Variants in NCK1 observed in about 807,000 individuals in gnomAD.
NCK1 encodes NCK adaptor protein 1.
NCK1 carries 19 observed loss-of-function variants against 36.6 expected under a neutral mutation model. That is an observed-to-expected ratio of 0.52 (90% CI 0.36 to 0.76). The LOEUF (loss-of-function observed/expected upper bound fraction) is 0.76, where lower values mean the gene tolerates loss of function less well. NCK1 is among the 30% of genes least tolerant of loss of function. The pLI, the probability that NCK1 is intolerant of heterozygous loss-of-function variation, is 0.00. For missense variants in NCK1, 358 were observed against 445.6 expected (o/e 0.80, Z 1.77); for synonymous variants, 165 against 156.0 (o/e 1.06, Z -0.43).
At chr3:136,913,955 C>T (rs1939894633) in intron 1 of NCK1, among the ~76,000 whole-genome samples, 1 of 152,214 alleles carries the variant, frequency 6.6e-6, no homozygotes, top group African/African-American at 2.4e-5. Flanking sequence ...CCACCACGCC[C>T]AGCCGCACAG....
rs1339896485 is a variant in NCK1 at position 136,950,789 on chromosome 3, T to C, written c.*2336T>C. Among the ~76,000 whole-genome samples the C allele has an allele frequency of 6.6e-6, 1 of 152,148 alleles. No homozygotes were observed. Among genetic ancestry groups the C allele is most frequent in the Non-Finnish European group, 1.5e-5 (1 of 67,994 alleles). On this transcript the variant is annotated 3_prime_UTR_variant, in exon 4 of 4. Transcript: ENST00000481752. The stretch of plus-strand genomic sequence containing the variant: ...AATATTACAGAAGTTTTCTTCCACA[T>C]GAGGAGAATGCTTAGTTTCAAATTT...
At chr3:136,938,016 T>G (rs73231973) in intron 2 of NCK1, among the ~76,000 whole-genome samples, 414 of 152,308 alleles carry the variant, frequency 2.7e-3, no homozygotes, top group Non-Finnish European at 4.3e-3. Flanking sequence ...CTTTCACCAT[T>G]GAGTGTGATG....
chr3:136,918,573 A>G (rs1940023873), intron 1 of NCK1, among the ~76,000 whole-genome samples: 1 of 152,182 alleles, frequency 6.6e-6, no homozygotes, highest in African/African-American at 2.4e-5. Context: ...CCCTTAGATT[A>G]ACCTTATCCA....
chr3:136,903,466 CCAGA>C (rs1258325738), intron 1 of NCK1, among the ~76,000 whole-genome samples: 1 of 152,052 alleles, frequency 6.6e-6, no homozygotes, highest in Non-Finnish European at 1.5e-5. Flanking sequence ...CTCTTGTTGC[CCAGA>C]CTGGAGTACA....
At chr3:136,868,708 C>T (rs374819381) in intron 1 of NCK1, among the ~76,000 whole-genome samples, 18 of 152,242 alleles carry the variant, frequency 1.2e-4, no homozygotes, top group Non-Finnish European at 1.8e-4. Context: ...TTTGTCTTTT[C>T]GAATCTCTTG....
intron 1 of NCK1, among the ~76,000 whole-genome samples, chr3:136,908,856 G>A (rs975999382): frequency 3.3e-5 from 5 of 152,210 alleles, no homozygotes; most frequent in East Asian, 1.9e-4. Flanking sequence ...GTATAGTGCT[G>A]TGGTTTGAAT....
At chr3:136,944,387 G>C (rs550851110) in intron 2 of NCK1, among the ~76,000 whole-genome samples, 1 of 151,976 alleles carries the variant, frequency 6.6e-6, no homozygotes, top group African/African-American at 2.4e-5. Context: ...CAGAATGCTG[G>C]GATTACTGGC....
At position 136,950,311 on chromosome 3, in the gene NCK1, A is replaced by G. The variant is rs977744901; in HGVS notation, c.*1858A>G. On this transcript the variant is annotated 3_prime_UTR_variant, in exon 4 of 4. Coordinates refer to ENST00000481752, the MANE Select transcript of NCK1 (RefSeq NM_001291999.2). ...TTAATGCTTTGCATCACAGACATAA[A>G]CTATTCATAGTAAACTGCACTGAGC... Among the ~76,000 whole-genome samples the G allele has an allele frequency of 2.0e-5, 3 of 152,148 alleles. No individual in the cohort carries two copies. Among genetic ancestry groups the G allele is most frequent in the Non-Finnish European group, 2.9e-5 (2 of 67,974 alleles).
intron 1 of NCK1, among the ~76,000 whole-genome samples, chr3:136,925,259 T>C (rs1576981132): frequency 6.6e-6 from 1 of 152,328 alleles, no homozygotes; most frequent in East Asian, 1.9e-4. Flanking sequence ...TTTCATTTCT[T>C]TAATTATAAA....
chr3:136,950,929 T>C lies in NCK1; in HGVS notation c.*2476T>C, dbSNP rs1000475456. Among the ~76,000 whole-genome samples, 1 of 152,180 alleles carries C rather than the reference T, an allele frequency of 6.6e-6. No homozygotes were observed. The highest frequency in any genetic ancestry group is 2.4e-5 in the African/African-American group (1 of 41,440). ...GCTTTGTGACAAAAACAAATGCCAT[T>C]GTGTCCCTTATTTAGTCATAAAACC... is the stretch of plus-strand genomic sequence containing the variant. On this transcript the variant is annotated 3_prime_UTR_variant, in exon 4 of 4. Transcript: ENST00000481752.
intron 2 of NCK1, among the ~76,000 whole-genome samples, chr3:136,934,228 T>C (rs1940466197): frequency 6.6e-6 from 1 of 151,878 alleles, no homozygotes; most frequent in South Asian, 2.1e-4. Flanking sequence ...TGGGGGTACA[T>C]GTGAAGGTTT....
chr3:136,867,093 TTTC>T (rs1938449354), intron 1 of NCK1, among the ~76,000 whole-genome samples: 1 of 20,034 alleles, frequency 5.0e-5, no homozygotes, highest in Admixed American at 7.5e-4. Flanking sequence ...TCTTTCTTTC[TTTC>T]TTTCTTTCTT....
At chr3:136,930,429 T>G (rs984232420) in intron 2 of NCK1, 6 of 1,231,260 alleles carry the variant, frequency 4.9e-6, no homozygotes, top group Non-Finnish European at 6.1e-6. Context: ...AATTTTCTAT[T>G]GCCTGGGTGT....
chr3:136,935,012 A>G (rs1392601244), intron 2 of NCK1, among the ~76,000 whole-genome samples: 2 of 151,842 alleles, frequency 1.3e-5, no homozygotes, highest in African/African-American at 2.4e-5. Flanking sequence ...AATGATTCTC[A>G]TGCCACAGCC....
chr3:136,880,549 T>C (rs1168732409), intron 1 of NCK1, among the ~76,000 whole-genome samples: 1 of 152,140 alleles, frequency 6.6e-6, no homozygotes, highest in African/African-American at 2.4e-5. Context: ...ACTTCTGGCC[T>C]CCAGAACAGT....
At chr3:136,935,498 G>A (rs930924628) in intron 2 of NCK1, among the ~76,000 whole-genome samples, 5 of 152,100 alleles carry the variant, frequency 3.3e-5, no homozygotes, top group Admixed American at 3.3e-4. Flanking sequence ...TGTGATTGCA[G>A]CTTTATTTAT....
rs71134421 is a variant in NCK1, at chr3:136,923,559, CAAAT to C, written c.-18-4392_-18-4389del. On this transcript the variant is annotated intron_variant, in intron 1 of 3. Transcript: ENST00000481752. ...GACAGTGCAGTGCGAGACTCCGTCT[CAAAT>C]AAATAAATAAATAAATAAATAAATA... 3.2e-3 allele frequency among the ~76,000 whole-genome samples: 459 copies of C among 145,670 alleles called. 1 individual carries two copies. The highest frequency in any genetic ancestry group is 9.9e-3 in the African/African-American group (384 of 38,972).
At chr3:136,917,918 A>G (rs1315985714) in intron 1 of NCK1, among the ~76,000 whole-genome samples, 2 of 152,176 alleles carry the variant, frequency 1.3e-5, no homozygotes, top group Non-Finnish European at 2.9e-5. Context: ...ACCAGAATCC[A>G]TAGTCTCTAT....
chr3:136,939,158 T>TTA (rs902713872), intron 2 of NCK1, among the ~76,000 whole-genome samples: 2 of 152,224 alleles, frequency 1.3e-5, no homozygotes, highest in Non-Finnish European at 2.9e-5. Flanking sequence ...CTTTTACTTG[T>TTA]TATATGTCTG....
Sources: gnomAD v4.1 joint callset for allele counts (sites outside exome capture counted in the v4.1 genomes callset) on GRCh38, gnomAD v4.1.1 for gene constraint, MANE v1.5 for transcripts, NCBI Gene and HGNC (gene_info 2026-07-23, HGNC 2026-07-21) for gene names.